Variants in FGF5 observed in about 807,000 individuals in gnomAD.
FGF5 encodes heparin-binding growth factor 5.
Under a neutral mutation model 21.8 loss-of-function variants are expected in FGF5, and 23 were observed. The ratio of observed to expected loss-of-function variants is 1.05; its 90% CI spans 0.76 to 1.49. The LOEUF (loss-of-function observed/expected upper bound fraction) is 1.49, where lower values mean the gene tolerates loss of function less well. FGF5 is among the 40% of genes most tolerant of loss of function. The probability of loss-of-function intolerance (pLI) is 0.00; values close to 1 mark genes in which losing one functional copy is unlikely to be tolerated. For missense variants in FGF5, 352 were observed against 332.9 expected, an observed-to-expected ratio of 1.06 and a Z score of -0.45; for synonymous variants, 158 against 124.0, an observed-to-expected ratio of 1.27 and a Z score of -1.82.
At chr4:80,267,200 C>T in intron 1 of FGF5, 21 bp downstream of exon 1, 1 of 1,563,236 alleles carries the variant, frequency 6.4e-7, no homozygotes, top group Admixed American at 1.8e-5. Flanking sequence ...CGCTCTCCTA[C>T]AAAACCCGTC....
In FGF5 at chr4:80,266,802, T is replaced by C; in HGVS notation, c.-23T>C. The stretch of plus-strand genomic sequence containing the variant: ...CCAGAATCAGCCCTACAAGATGCAC[T>C]TAGGACCCCCGCGGCTGGAAGAATG... On this transcript the variant is annotated 5_prime_UTR_variant, in exon 1 of 3. Transcript: ENST00000312465. 6.4e-7 allele frequency: 1 copy of C among 1,554,112 alleles called. No homozygotes were observed. Among genetic ancestry groups the C allele is most frequent in the South Asian group, 1.2e-5 (1 of 80,596 alleles).
intron 1 of FGF5, among the ~76,000 whole-genome samples, chr4:80,267,485 G>T (rs1720130116): frequency 6.6e-6 from 1 of 152,110 alleles, no homozygotes; most frequent in South Asian, 2.1e-4. Context: ...AGCCATGACA[G>T]GAGAGAACAA....
At chr4:80,280,848 C>G (rs17004868) in intron 2 of FGF5, among the ~76,000 whole-genome samples, 4,573 of 152,092 alleles carry the variant, frequency 0.03, 220 homozygotes, top group African/African-American at 0.1. Flanking sequence ...AATGATACAT[C>G]AAGTCCAGGG....
At chr4:80,279,983 C>T (rs1720509925) in intron 2 of FGF5, among the ~76,000 whole-genome samples, 1 of 152,170 alleles carries the variant, frequency 6.6e-6, no homozygotes, top group South Asian at 2.1e-4. Context: ...GATGAGACTC[C>T]AGAATGGACT....
At chr4:80,274,569 A>G (rs891196867) in intron 1 of FGF5, among the ~76,000 whole-genome samples, 2 of 152,044 alleles carry the variant, frequency 1.3e-5, no homozygotes, top group African/African-American at 4.8e-5. Flanking sequence ...AATGGAGGAG[A>G]ATTATTTTGA....
At position 80,289,044 on chromosome 4, in the gene FGF5, A is replaced by G. The variant is rs1394008970; in HGVS notation, c.*2372A>G. 2 of 149,244 alleles carry G rather than the reference A, an allele frequency of 1.3e-5. No homozygotes were observed. Among genetic ancestry groups the G allele is most frequent in the Non-Finnish European group, 3.0e-5 (2 of 67,768 alleles). The allele number at this position is 149,244 out of a possible 1,614,324, so 9.2% of individuals were successfully genotyped here. On this transcript the variant is annotated 3_prime_UTR_variant, in exon 3 of 3. Coordinates refer to ENST00000312465, the MANE Select transcript of FGF5 (RefSeq NM_004464.4). ...GAGTCTTGCTCTGTCACCAGGCTGG[A>G]GTGCAGTGGCATGATCTCGGCTCAC...
intron 2 of FGF5, among the ~76,000 whole-genome samples, chr4:80,280,019 G>A (rs1720510853): frequency 6.6e-6 from 1 of 152,196 alleles, no homozygotes; most frequent in Non-Finnish European, 1.5e-5. Context: ...AGAGTGAAGA[G>A]GAGTCAGCAG....
Position 80,266,831 on chromosome 4 carries a change from T to A in FGF5, c.7T>A (p.Leu3Met), listed in dbSNP as rs780432472. The change falls in exon 1 of 3, where the codon TTG (leucine) becomes ATG (methionine). Residue 3 changes from leucine to methionine, a missense_variant. By Grantham distance (15) the Leu-to-Met change is conservative. Transcript: ENST00000312465. MSLSFLLLLFFSH... is the reference protein window; with the variant it reads MSMSFLLLLFFSH... ...GACCCCCGCGGCTGGAAGAATGAGC[T>A]TGTCCTTCCTCCTCCTCCTCTTCTT... 6.3e-7 allele frequency: 1 copy of A among 1,587,156 alleles called. No individual in the cohort carries two copies. Among genetic ancestry groups the A allele is most frequent in the Non-Finnish European group, 8.6e-7 (1 of 1,168,178 alleles).
intron 2 of FGF5, among the ~76,000 whole-genome samples, chr4:80,278,679 T>C (rs1241907952): frequency 2.6e-5 from 4 of 152,160 alleles, no homozygotes; most frequent in Non-Finnish European, 5.9e-5. Context: ...ATTAATCCCA[T>C]CAGATAAGTT....
At position 80,287,609 on chromosome 4, in the gene FGF5, C is replaced by T. The variant is rs1163804956; in HGVS notation, c.*937C>T. The T allele has an allele frequency of 6.6e-6, 1 of 152,142 alleles. No homozygotes were observed. The highest frequency in any genetic ancestry group is 1.9e-4 in the East Asian group (1 of 5,200). 9.4% of individuals were successfully genotyped at this position (152,142 alleles called of 1,614,324 possible). On this transcript the variant is annotated 3_prime_UTR_variant, in exon 3 of 3. Coordinates refer to ENST00000312465, the MANE Select transcript of FGF5 (RefSeq NM_004464.4). ...TCATTCTTGAACAGCTGGAGGAATA[C>T]ATTTTATTCTGTCCATGAAGCATAC... is the stretch of plus-strand genomic sequence containing the variant.
Position 80,286,493 on chromosome 4 carries a change from C to G in FGF5, c.628C>G (p.His210Asp). The G allele has an allele frequency of 1.9e-6, 3 of 1,614,042 alleles. No homozygotes were observed. Among genetic ancestry groups the G allele is most frequent in the Non-Finnish European group, 1.7e-6 (2 of 1,179,996 alleles). ...GTGCAGCCCCCGGGTTAAACCCCAG[C>G]ATATCTCTACCCATTTTCTGCCAAG... ...RGCSPRVKPQ[H>D]ISTHFLPRFK... The change falls in exon 3 of 3, where the codon CAT becomes GAT. Residue 210 changes from histidine (H) to aspartate (D), a missense_variant. Coordinates refer to ENST00000312465, the MANE Select transcript of FGF5 (RefSeq NM_004464.4).
chr4:80,275,134 A>C, intron 2 of FGF5, 122 bp downstream of exon 2: 1 of 471,440 alleles, frequency 2.1e-6, no homozygotes, highest in South Asian at 4.4e-5. Flanking sequence ...TTTAAAAAGT[A>C]TTTTTACATT....
In FGF5 at chr4:80,274,892, G is replaced by T; in HGVS notation, c.356-17G>T. On this transcript the variant is annotated splice_polypyrimidine_tract_variant and intron_variant, in intron 1 of 2. Coordinates refer to ENST00000312465, the MANE Select transcript of FGF5 (RefSeq NM_004464.4). ...AATAAGAGCCTGTGTTTTATTTTGGGATTTCTGTCATCCTAGGTGTTTTGG... is the reference window on the plus strand; with the variant it reads ...AATAAGAGCCTGTGTTTTATTTTGGTATTTCTGTCATCCTAGGTGTTTTGG... The T allele has an allele frequency of 8.8e-7, 1 of 1,141,964 alleles. No homozygotes were observed. Among genetic ancestry groups the T allele is most frequent in the Non-Finnish European group, 1.3e-6 (1 of 761,352 alleles). The allele number at this position is 1,141,964 out of a possible 1,614,324, so 70.7% of individuals were successfully genotyped here.
intron 2 of FGF5, among the ~76,000 whole-genome samples, chr4:80,277,320 A>C (rs1292844856): frequency 3.9e-5 from 6 of 152,158 alleles, no homozygotes; most frequent in Admixed American, 3.9e-4. Context: ...CATTCTGATG[A>C]CTTTGAGCTA....
At chr4:80,267,919 A>T (rs1290048120) in intron 1 of FGF5, among the ~76,000 whole-genome samples, 2 of 152,184 alleles carry the variant, frequency 1.3e-5, no homozygotes, top group Non-Finnish European at 2.9e-5. Context: ...AATGTTTAGT[A>T]TCTTGAGACC....
chr4:80,286,678 C>A lies in FGF5; in HGVS notation c.*6C>A. On this transcript the variant is annotated 3_prime_UTR_variant, in exon 3 of 3. Coordinates refer to ENST00000312465, the MANE Select transcript of FGF5 (RefSeq NM_004464.4). The stretch of plus-strand genomic sequence containing the variant: ...TCAAGTTTCGCTTTGGATAATATTC[C>A]TCTTGGCCTTGTGAGAAACCATTCT... 1 of 1,606,604 alleles carries A rather than the reference C, an allele frequency of 6.2e-7. No individual in the cohort carries two copies. Among genetic ancestry groups the A allele is most frequent in the South Asian group, 1.1e-5 (1 of 90,842 alleles).
Position 80,289,307 on chromosome 4 carries a change from C to T in FGF5, c.*2635C>T, listed in dbSNP as rs1464413448. 1 of 152,060 alleles carries T rather than the reference C, an allele frequency of 6.6e-6. No individual in the cohort carries two copies. The highest frequency in any genetic ancestry group is 2.4e-5 in the African/African-American group (1 of 41,400). The allele number at this position is 152,060 out of a possible 1,614,324, so 9.4% of individuals were successfully genotyped here. A position where few individuals can be genotyped will look rare whatever the true frequency, so the allele number is the denominator to read the frequency against. ...CAGGTACAATGATGTATAATTAATG[C>T]TTAGTGAAGCATAAAGTTACCTACA... On this transcript the variant is annotated 3_prime_UTR_variant, in exon 3 of 3. Transcript: ENST00000312465.
intron 2 of FGF5, among the ~76,000 whole-genome samples, chr4:80,277,947 C>G (rs1560499980): frequency 6.6e-6 from 1 of 151,976 alleles, no homozygotes; most frequent in Non-Finnish European, 1.5e-5. Flanking sequence ...TTTAAAAGCC[C>G]TTTTGCTCAC....
Position 80,266,814 on chromosome 4 carries a change from C to T in FGF5, c.-11C>T, listed in dbSNP as rs1296714389. 3.2e-6 allele frequency: 5 copies of T among 1,564,380 alleles called. No homozygotes were observed. Among genetic ancestry groups the T allele is most frequent in the East Asian group, 2.2e-5 (1 of 44,630 alleles). On this transcript the variant is annotated 5_prime_UTR_variant, in exon 1 of 3. Coordinates refer to ENST00000312465, the MANE Select transcript of FGF5 (RefSeq NM_004464.4). Reference sequence around the variant, plus strand: ...CTACAAGATGCACTTAGGACCCCCGCGGCTGGAAGAATGAGCTTGTCCTTC... The same window carrying T: ...CTACAAGATGCACTTAGGACCCCCGTGGCTGGAAGAATGAGCTTGTCCTTC...
Sources: gnomAD v4.1 joint callset for allele counts (sites outside exome capture counted in the v4.1 genomes callset) on GRCh38, gnomAD v4.1.1 for gene constraint, MANE v1.5 for transcripts, NCBI Gene and HGNC (gene_info 2026-07-23, HGNC 2026-07-21) for gene names.